Variants in CLPP observed in about 807,000 individuals in gnomAD.
CLPP encodes ATP-dependent Clp protease proteolytic subunit, mitochondrial.
Under a neutral mutation model 27.4 loss-of-function variants are expected in CLPP, and 14 were observed. The ratio of observed to expected loss-of-function variants is 0.51; its 90% CI spans 0.34 to 0.80. The LOEUF is 0.80. Among genes scored for constraint, CLPP ranks in the 30% least tolerant of loss-of-function variants. CLPP has a pLI of 0.02. For missense variants in CLPP, 361 were observed against 403.6 expected, an observed-to-expected ratio of 0.89 and a Z score of 0.90; for synonymous variants, 193 against 166.6, an observed-to-expected ratio of 1.16 and a Z score of -1.22.
At chr19:6,368,168 T>C (rs947441675) in intron 5 of CLPP, among the ~76,000 whole-genome samples, 10 of 152,112 alleles carry the variant, frequency 6.6e-5, no homozygotes, top group African/African-American at 2.4e-4. Context: ...CAACAGAGAT[T>C]TATGTCTCAC....
At chr19:6,362,350 G>C (rs1384175909) in intron 2 of CLPP, 96 bp from the exon 3 acceptor site, 2 of 820,512 alleles carry the variant, frequency 2.4e-6, no homozygotes, top group Admixed American at 3.8e-5. Context: ...TTTGGGCTCT[G>C]GTCCCCCTTC....
intron 5 of CLPP, among the ~76,000 whole-genome samples, chr19:6,367,457 CA>C (rs2091868361): frequency 6.8e-6 from 1 of 147,762 alleles, no homozygotes. Flanking sequence ...GAAGAATAAA[CA>C]CTCTGTGATT....
Position 6,368,545 on chromosome 19 carries a change from C to A in CLPP, c.669C>A (p.Ala223=). 6.2e-7 allele frequency: 1 copy of A among 1,614,132 alleles called. No homozygotes were observed. Among genetic ancestry groups the A allele is most frequent in the Non-Finnish European group, 8.5e-7 (1 of 1,180,022 alleles). The stretch of plus-strand genomic sequence containing the variant: ...CTCCTGCTTCCCCACCAGAGTCCGC[C>A]ATGGAGAGGGACCGCTACATGAGCC... The part of the protein sequence containing the change: ...TKQSLQVIES[A]MERDRYMSPM... Residue 223 remains alanine (A), a synonymous_variant, in exon 6 of 6, where the codon GCC becomes GCA. Coordinates refer to ENST00000245816, the MANE Select transcript of CLPP (RefSeq NM_006012.4).
At position 6,362,527 on chromosome 19, in the gene CLPP, TACATCA is replaced by T. The variant is rs750509743; in HGVS notation, c.356_361del (p.Ile119_Asn120del). 6.2e-7 allele frequency: 1 copy of T among 1,613,174 alleles called. No homozygotes were observed. On this transcript the variant is annotated inframe_deletion, in exon 3 of 6. Coordinates refer to ENST00000245816, the MANE Select transcript of CLPP (RefSeq NM_006012.4). ...GAGCAACAAGAAGCCCATCCACATG[TACATCA>T]ACAGCCCTGGTGAGCAGGGTCTTTC... is the stretch of plus-strand genomic sequence containing the variant.
intron 3 of CLPP, 53 bp from the exon 4 acceptor site, chr19:6,364,399 G>T: frequency 2.0e-6 from 3 of 1,532,392 alleles, no homozygotes; most frequent in East Asian, 2.4e-5. Flanking sequence ...GATGGAATAG[G>T]GAAAGGGTCG....
At chr19:6,365,389 A>T (rs1272059871) in intron 4 of CLPP, among the ~76,000 whole-genome samples, 1 of 152,082 alleles carries the variant, frequency 6.6e-6, no homozygotes, top group Non-Finnish European at 1.5e-5. Flanking sequence ...CTGAGATAGG[A>T]GAATCACTTG....
intron 5 of CLPP, among the ~76,000 whole-genome samples, chr19:6,366,662 A>G (rs2091864246): frequency 6.6e-6 from 1 of 151,960 alleles, no homozygotes; most frequent in South Asian, 2.1e-4. Context: ...TTTTTGAGAC[A>G]AGGTCTGGCT....
chr19:6,366,426 C>T (rs1462728140), intron 5 of CLPP, 63 bp downstream of exon 5: 3 of 1,297,624 alleles, frequency 2.3e-6, no homozygotes, highest in Non-Finnish European at 3.3e-6. Context: ...TGCTCTAAGC[C>T]AGGGCTTCTC....
At chr19:6,362,102 A>G (rs559059867) in intron 2 of CLPP, 162 bp downstream of exon 2, 10 of 576,720 alleles carry the variant, frequency 1.7e-5, no homozygotes, top group Admixed American at 6.5e-5. Flanking sequence ...CGGTCCCCCA[A>G]CCCGCTCCTC....
In CLPP at chr19:6,361,846, C is replaced by G. The variant is rs199575352; in HGVS notation, c.199-23C>G. The G allele has an allele frequency of 1.1e-5, 18 of 1,594,970 alleles. No individual in the cohort carries two copies. In the East Asian group the frequency reaches 4.0e-4, roughly 36 times the overall value. ...GGATCGGCTGGCTGCCCCGGCCCCT[C>G]ACCTCCATCTTTCTACCCCCAGGGT... On this transcript the variant is annotated intron_variant, in intron 1 of 5. Transcript: ENST00000245816.
At chr19:6,362,572 G>T (rs1372884832) in intron 3 of CLPP, 30 bp downstream of exon 3, 1 of 1,478,220 alleles carries the variant, frequency 6.8e-7, no homozygotes, top group Non-Finnish European at 9.5e-7. Flanking sequence ...GGTGCCAGGG[G>T]CACTCGTCAG....
At position 6,368,580 on chromosome 19, in the gene CLPP, C is replaced by T. The variant is rs752982931; in HGVS notation, c.704C>T (p.Ala235Val). The change falls in exon 6 of 6, where the codon GCC becomes GTC. Residue 235 changes from alanine (A) to valine (V), a missense_variant. Coordinates refer to ENST00000245816, the MANE Select transcript of CLPP (RefSeq NM_006012.4). ...ERDRYMSPME[A>V]QEFGILDKVL... ...GACCGCTACATGAGCCCCATGGAGGCCCAGGAGTTTGGCATCTTAGACAAG... is the reference window on the plus strand; with the variant it reads ...GACCGCTACATGAGCCCCATGGAGGTCCAGGAGTTTGGCATCTTAGACAAG... 1 of 1,614,084 alleles carries T rather than the reference C, an allele frequency of 6.2e-7. No homozygotes were observed. The highest frequency in any genetic ancestry group is 2.2e-5 in the East Asian group (1 of 44,880).
Position 6,369,033 on chromosome 19 carries a change from C to G in CLPP, c.*323C>G, listed in dbSNP as rs186037314. 1 of 298,174 alleles carries G rather than the reference C, an allele frequency of 3.4e-6. No homozygotes were observed. The highest frequency in any genetic ancestry group is 2.2e-5 in the African/African-American group (1 of 45,344). 18.5% of individuals were successfully genotyped at this position (298,174 alleles called of 1,614,324 possible). A position where few individuals can be genotyped will look rare whatever the true frequency, so the allele number is the denominator to read the frequency against. On this transcript the variant is annotated 3_prime_UTR_variant, in exon 6 of 6. Coordinates refer to ENST00000245816, the MANE Select transcript of CLPP (RefSeq NM_006012.4). ...TCTTCCTTCAACAGATTCTCCTGAT[C>G]ATATCCTATATTCCAGGCAGTGTTC... is the stretch of plus-strand genomic sequence containing the variant.
chr19:6,363,351 G>C lies in CLPP; in HGVS notation c.367+809G>C, dbSNP rs551786051. Among the ~76,000 whole-genome samples, 3 of 152,072 alleles carry C rather than the reference G, an allele frequency of 2.0e-5. No homozygotes were observed. The South Asian group carries it at 6.2e-4, about 32-fold the overall frequency. On this transcript the variant is annotated intron_variant, in intron 3 of 5. Transcript: ENST00000245816. ...CATGTTAGGCTGGTCTTGAACTCCTGACCTCAAGTGATCCACCCGCCTCAG... is the reference window on the plus strand; with the variant it reads ...CATGTTAGGCTGGTCTTGAACTCCTCACCTCAAGTGATCCACCCGCCTCAG...
At chr19:6,364,246 G>A (rs2091850470) in intron 3 of CLPP, among the ~76,000 whole-genome samples, 1 of 151,910 alleles carries the variant, frequency 6.6e-6, no homozygotes, top group South Asian at 2.1e-4. Flanking sequence ...TAGCCAGGAT[G>A]GTCTTGATTT....
Position 6,368,599 on chromosome 19 carries a change from A to G in CLPP, c.723A>G (p.Leu241=). ...TGGAGGCCCAGGAGTTTGGCATCTTAGACAAGGTTCTGGTCCACCCTCCCC... is the reference window on the plus strand; with the variant it reads ...TGGAGGCCCAGGAGTTTGGCATCTTGGACAAGGTTCTGGTCCACCCTCCCC... ...SPMEAQEFGI[L]DKVLVHPPQD... Residue 241 remains leucine, a synonymous_variant, in exon 6 of 6, where the codon TTA becomes TTG. Transcript: ENST00000245816. The G allele has an allele frequency of 6.2e-7, 1 of 1,613,888 alleles. No individual in the cohort carries two copies. The highest frequency in any genetic ancestry group is 8.5e-7 in the Non-Finnish European group (1 of 1,179,952).
At position 6,361,860 on chromosome 19, in the gene CLPP, T is replaced by A. The variant is rs766973509; in HGVS notation, c.199-9T>A. Reference sequence around the variant, plus strand: ...CCCCGGCCCCTCACCTCCATCTTTCTACCCCCAGGGTCGCGGCGAGCGCGC... The same window carrying A: ...CCCCGGCCCCTCACCTCCATCTTTCAACCCCCAGGGTCGCGGCGAGCGCGC... On this transcript the variant is annotated splice_polypyrimidine_tract_variant and intron_variant, in intron 1 of 5. Transcript: ENST00000245816. 1.1e-5 allele frequency: 17 copies of A among 1,596,110 alleles called. No individual in the cohort carries two copies. In the African/African-American group the frequency reaches 1.3e-4, roughly 13 times the overall value.
At chr19:6,364,881 A>T (rs1488867097) in intron 4 of CLPP, 1 of 422,776 alleles carries the variant, frequency 2.4e-6, no homozygotes, top group African/African-American at 2.1e-5. Flanking sequence ...GGCGCCCGCC[A>T]CCACGCTCGG....
intron 5 of CLPP, among the ~76,000 whole-genome samples, chr19:6,367,245 C>T (rs959579476): frequency 6.6e-6 from 1 of 151,758 alleles, no homozygotes; most frequent in Non-Finnish European, 1.5e-5. Flanking sequence ...TGTGTTGGCA[C>T]ACGCCTGTAA....
Sources: allele counts gnomAD v4.1 joint callset (sites outside exome capture counted in the v4.1 genomes callset), GRCh38; gene constraint gnomAD v4.1.1; transcripts MANE v1.5; gene names NCBI Gene and HGNC (gene_info 2026-07-23, HGNC 2026-07-21).